The following TRIM71 variants were observed in gnomAD, a reference collection of about 807,000 sequenced individuals.
TRIM71 encodes the protein tripartite motif containing 71.
Under a neutral mutation model 61.2 loss-of-function variants are expected in TRIM71, and 9 were observed. The observed-to-expected ratio is 0.15, with a 90% CI of 0.09 to 0.26. The LOEUF is 0.26. Ranked by LOEUF, TRIM71 falls within the 10% of genes least tolerant of loss-of-function variation. The probability of loss-of-function intolerance (pLI) is 1.00; values close to 1 mark genes in which losing one functional copy is unlikely to be tolerated. For synonymous variants in TRIM71, 645 were observed against 553.2 expected (o/e 1.17, Z -2.33); for missense variants, 998 against 1,238.7 (o/e 0.81, Z 2.92).
In TRIM71 at chr3:32,894,385, T is replaced by C. The variant is rs1489386717; in HGVS notation, c.*2574T>C. Reference sequence around the variant, plus strand: ...GAGCTCCTTATTTGACATTTTACTATGGATGTGATCGAAAAGCCAAGATTT... The same window carrying C: ...GAGCTCCTTATTTGACATTTTACTACGGATGTGATCGAAAAGCCAAGATTT... On this transcript the variant is annotated 3_prime_UTR_variant, in exon 4 of 4. Coordinates refer to ENST00000383763, the MANE Select transcript of TRIM71 (RefSeq NM_001039111.3). 2 of 152,228 alleles carry C rather than the reference T, an allele frequency of 1.3e-5. No individual in the cohort carries two copies. Among genetic ancestry groups the C allele is most frequent in the Non-Finnish European group, 2.9e-5 (2 of 68,044 alleles). 9.4% of individuals were successfully genotyped at this position (152,228 alleles called of 1,614,324 possible).
chr3:32,849,925 G>GC (rs1371427421), intron 1 of TRIM71, among the ~76,000 whole-genome samples: 1 of 152,352 alleles, frequency 6.6e-6, no homozygotes, highest in Non-Finnish European at 1.5e-5. Flanking sequence ...ATTGAAGGTA[G>GC]CTCCTATCTA....
At chr3:32,823,442 G>A (rs1024681567) in intron 1 of TRIM71, among the ~76,000 whole-genome samples, 10 of 152,154 alleles carry the variant, frequency 6.6e-5, no homozygotes, top group African/African-American at 2.4e-4. Flanking sequence ...TATTTGTTCA[G>A]TTTCCTTCCT....
At chr3:32,863,639 A>C (rs1209668874) in intron 1 of TRIM71, among the ~76,000 whole-genome samples, 3 of 152,122 alleles carry the variant, frequency 2.0e-5, no homozygotes, top group African/African-American at 7.2e-5. Context: ...CACCAGTCTT[A>C]GTGCCTTTAA....
At chr3:32,829,956 T>C (rs567117295) in intron 1 of TRIM71, among the ~76,000 whole-genome samples, 1 of 141,104 alleles carries the variant, frequency 7.1e-6, no homozygotes, top group South Asian at 2.3e-4. Flanking sequence ...CGAGATGGAG[T>C]CTTGCTCTGT....
intron 1 of TRIM71, among the ~76,000 whole-genome samples, chr3:32,832,120 C>T (rs1259711474): frequency 1.3e-5 from 2 of 152,070 alleles, no homozygotes; most frequent in Admixed American, 6.6e-5. Context: ...TTCTCTACTT[C>T]CCTATATGGC....
rs974574867 is a variant in TRIM71 at position 32,896,652 on chromosome 3, T to TA, written c.*4842dup. On this transcript the variant is annotated 3_prime_UTR_variant, in exon 4 of 4. Transcript: ENST00000383763. ...TGATGTCTATTTTTAAAACTGATCT[T>TA]ACGGGTTAACAAGCCAGCCTGGTGG... 2.0e-5 allele frequency: 3 copies of TA among 152,326 alleles called. No individual in the cohort carries two copies. The highest frequency in any genetic ancestry group is 7.2e-5 in the African/African-American group (3 of 41,578). 9.4% of individuals were successfully genotyped at this position (152,326 alleles called of 1,614,324 possible). A position where few individuals can be genotyped will look rare whatever the true frequency, so the allele number is the denominator to read the frequency against.
intron 1 of TRIM71, among the ~76,000 whole-genome samples, chr3:32,865,199 C>T (rs1402445412): frequency 2.6e-5 from 4 of 151,984 alleles, no homozygotes; most frequent in Non-Finnish European, 5.9e-5. Context: ...TGTGGTGGCA[C>T]GCGCCTGTAG....
At chr3:32,876,845 T>G (rs991058620) in intron 2 of TRIM71, among the ~76,000 whole-genome samples, 14 of 152,070 alleles carry the variant, frequency 9.2e-5, no homozygotes, top group Admixed American at 9.2e-4. Context: ...CTCAGAGAAA[T>G]GGAAATTCAC....
chr3:32,852,029 A>G (rs1246060942), intron 1 of TRIM71, among the ~76,000 whole-genome samples: 1 of 152,214 alleles, frequency 6.6e-6, no homozygotes, highest in Non-Finnish European at 1.5e-5. Flanking sequence ...AGAAGTACCC[A>G]AAACCCTCTG....
At chr3:32,871,353 G>T (rs1343262822) in intron 1 of TRIM71, among the ~76,000 whole-genome samples, 1 of 152,206 alleles carries the variant, frequency 6.6e-6, no homozygotes, top group East Asian at 1.9e-4. Flanking sequence ...CCACACAGCT[G>T]TCTTGAGAAG....
intron 1 of TRIM71, among the ~76,000 whole-genome samples, chr3:32,866,841 A>G (rs1459670617): frequency 1.3e-5 from 2 of 152,082 alleles, no homozygotes; most frequent in African/African-American, 2.4e-5. Flanking sequence ...GAGAGGAGTA[A>G]TGGCAACTTT....
chr3:32,885,402 A>T (rs1007509087), intron 2 of TRIM71, among the ~76,000 whole-genome samples: 2 of 152,036 alleles, frequency 1.3e-5, no homozygotes, highest in African/African-American at 2.4e-5. Flanking sequence ...AGATCGGGGG[A>T]TATTCCCAGT....
intron 1 of TRIM71, among the ~76,000 whole-genome samples, chr3:32,844,491 G>C (rs9817178): frequency 0.08 from 12,191 of 152,162 alleles, 556 homozygotes; most frequent in East Asian, 0.19. Flanking sequence ...CGGCCTCCCA[G>C]ACTCAAGCAA....
chr3:32,846,072 C>CT lies in TRIM71; in HGVS notation c.852+27161dup, dbSNP rs35520432. On this transcript the variant is annotated intron_variant, in intron 1 of 3. Coordinates refer to ENST00000383763, the MANE Select transcript of TRIM71 (RefSeq NM_001039111.3). ...GATGGGAAACTAACTTGGTAAGCCA[C>CT]TTTTTTTTTTTTTTTTTTTTTGAGA... 2.8e-3 allele frequency among the ~76,000 whole-genome samples: 258 copies of CT among 92,716 alleles called. 5 individuals carry two copies. Among genetic ancestry groups the CT allele is most frequent in the African/African-American group, 8.7e-3 (207 of 23,670 alleles). 60.8% of individuals were successfully genotyped at this position (92,716 alleles called of 152,430 possible). A position where few individuals can be genotyped will look rare whatever the true frequency, so the allele number is the denominator to read the frequency against.
At chr3:32,824,515 C>T (rs911191570) in intron 1 of TRIM71, among the ~76,000 whole-genome samples, 2 of 151,510 alleles carry the variant, frequency 1.3e-5, no homozygotes, top group African/African-American at 4.9e-5. Flanking sequence ...TTTCTTAAGG[C>T]TGAGTCTCAC....
At chr3:32,833,638 ATTTAT>A (rs1361996730) in intron 1 of TRIM71, among the ~76,000 whole-genome samples, 7 of 128,494 alleles carry the variant, frequency 5.4e-5, no homozygotes, top group African/African-American at 2.7e-4. Flanking sequence ...ATGCTTTTTT[ATTTAT>A]TTATTTATTT....
At chr3:32,839,398 T>C (rs1432960123) in intron 1 of TRIM71, among the ~76,000 whole-genome samples, 1 of 151,552 alleles carries the variant, frequency 6.6e-6, no homozygotes, top group Non-Finnish European at 1.5e-5. Context: ...GCCAGGCTAA[T>C]TTTTGTATTT....
At position 32,890,723 on chromosome 3, in the gene TRIM71, G is replaced by C; in HGVS notation, c.1519G>C (p.Val507Leu). 3 of 1,614,126 alleles carry C rather than the reference G, an allele frequency of 1.9e-6. No homozygotes were observed. The highest frequency in any genetic ancestry group is 2.5e-6 in the Non-Finnish European group (3 of 1,180,028). Reference protein sequence around the residue: ...ALQGKVASFTVIGYDHDGEPR... With the variant: ...ALQGKVASFTLIGYDHDGEPR... ...CCAGGGTAAGGTGGCCTCCTTCACA[G>C]TCATTGGTTATGACCACGATGGTGA... Residue 507 changes from valine to leucine, a missense_variant, in exon 4 of 4, where the codon GTC (valine) becomes CTC (leucine). Val to Leu is a conservative substitution (Grantham distance 32). Around this residue, in one of 5 missense-constraint regions of TRIM71, gnomAD observed 291 missense variants for 431.2 expected, o/e 0.67. Transcript: ENST00000383763. The surrounding 1 kb of genome is among the most constrained non-coding windows in gnomAD (Gnocchi z 6.2).
chr3:32,836,423 G>A (rs577263777), intron 1 of TRIM71, among the ~76,000 whole-genome samples: 1 of 152,268 alleles, frequency 6.6e-6, no homozygotes, highest in East Asian at 1.9e-4. Context: ...TCAATTTGTA[G>A]GCATTTTGGA....
Sources: allele counts gnomAD v4.1 joint callset (sites outside exome capture counted in the v4.1 genomes callset), GRCh38; gene constraint gnomAD v4.1.1; regional missense constraint gnomAD v4.1.1; non-coding constraint Gnocchi (gnomAD v3.1); transcripts MANE v1.5; gene names NCBI Gene and HGNC (gene_info 2026-07-23, HGNC 2026-07-21).